Variants in RIN2 observed in about 807,000 individuals in gnomAD.
RIN2 encodes Ras and Rab interactor 2, also known as RAB5 interacting protein 2.
A neutral mutation model predicts 78.0 loss-of-function variants in RIN2; 36 were observed. The observed-to-expected ratio is 0.46, with a 90% CI of 0.35 to 0.61. The LOEUF (loss-of-function observed/expected upper bound fraction) is 0.61. RIN2 is among the 20% of genes least tolerant of loss of function. The probability of loss-of-function intolerance (pLI) is 0.00; values close to 1 mark genes in which losing one functional copy is unlikely to be tolerated. For synonymous variants in RIN2, 466 were observed against 466.8 expected (o/e 1.00, Z 0.02); for missense variants, 1,087 against 1,159.7 (o/e 0.94, Z 0.91).
intron 3 of RIN2, among the ~76,000 whole-genome samples, chr20:19,915,884 C>G (rs1568605276): frequency 6.6e-6 from 1 of 152,168 alleles, no homozygotes; most frequent in Non-Finnish European, 1.5e-5. Flanking sequence ...GATTCATCTC[C>G]CCTATCCAAT....
rs960347809 is a variant in RIN2, at chr20:20,000,481, G to A, written c.2365-132G>A. 14 of 690,888 alleles carry A rather than the reference G, an allele frequency of 2.0e-5. No homozygotes were observed. The South Asian group carries it at 2.9e-4, about 14-fold the overall frequency. The allele number at this position is 690,888 out of a possible 1,614,324, so 42.8% of individuals were successfully genotyped here. A position where few individuals can be genotyped will look rare whatever the true frequency, so the allele number is the denominator to read the frequency against. On this transcript the variant is annotated intron_variant, in intron 12 of 12. Transcript: ENST00000255006. Reference sequence around the variant, plus strand: ...CTTTCCTTGCCATTCGAAGCCTCGTGGCCTGACATCGGACATTATGACAGG... The same window carrying A: ...CTTTCCTTGCCATTCGAAGCCTCGTAGCCTGACATCGGACATTATGACAGG...
At chr20:19,779,084 G>A (rs183754428) in intron 1 of RIN2, among the ~76,000 whole-genome samples, 28 of 152,272 alleles carry the variant, frequency 1.8e-4, no homozygotes, top group South Asian at 6.2e-4. Context: ...TGGTAGTGAC[G>A]GGAGGATTTA....
chr20:19,847,271 G>A (rs1402778782), intron 2 of RIN2, among the ~76,000 whole-genome samples: 1 of 152,074 alleles, frequency 6.6e-6, no homozygotes, highest in African/African-American at 2.4e-5. Flanking sequence ...AAGTCCAAAG[G>A]GTTTTGATGC....
chr20:19,938,539 C>T (rs1488822242), intron 4 of RIN2, among the ~76,000 whole-genome samples: 3 of 152,072 alleles, frequency 2.0e-5, no homozygotes. Flanking sequence ...CACTCCTTTT[C>T]ACTCTTCACA....
rs546867595 is a variant in RIN2 at position 19,943,057 on chromosome 20, C to A, written c.158+7858C>A. 1.6e-3 allele frequency among the ~76,000 whole-genome samples: 240 copies of A among 152,362 alleles called. 2 individuals carry two copies. Among genetic ancestry groups the A allele is most frequent in the Non-Finnish European group, 1.2e-4 (8 of 68,040 alleles). On this transcript the variant is annotated intron_variant, in intron 4 of 12. Coordinates refer to ENST00000255006, the MANE Select transcript of RIN2 (RefSeq NM_018993.4). ...CCAATCCATGGAACACTTGCCTTTC[C>A]GTGAAGCAGGGTGCATGCCCCGGGC...
At position 19,927,740 on chromosome 20, in the gene RIN2, A is replaced by G. The variant is rs903482471; in HGVS notation, c.58-7359A>G. On this transcript the variant is annotated intron_variant, in intron 3 of 12. Transcript: ENST00000255006. ...AATTTTTTACTTTTTTGTAGAGCCA[A>G]GGTCTCTCTATGTTGCTTAGGCTGG... 3.3e-5 allele frequency among the ~76,000 whole-genome samples: 5 copies of G among 151,876 alleles called. No homozygotes were observed. The South Asian group carries it at 1.0e-3, about 32-fold the overall frequency.
chr20:19,879,790 T>A (rs913478170), intron 2 of RIN2, among the ~76,000 whole-genome samples: 1 of 151,144 alleles, frequency 6.6e-6, no homozygotes, highest in Non-Finnish European at 1.5e-5. Flanking sequence ...CTGAGAAACA[T>A]GATTGGCTAG....
chr20:19,802,472 A>T (rs1264790902), intron 2 of RIN2, among the ~76,000 whole-genome samples: 1 of 62,100 alleles, frequency 1.6e-5, no homozygotes. Context: ...AAGTTTCTTT[A>T]AAAAAAAAAA....
At chr20:19,807,562 A>G (rs903565683) in intron 2 of RIN2, among the ~76,000 whole-genome samples, 3 of 151,984 alleles carry the variant, frequency 2.0e-5, no homozygotes, top group Non-Finnish European at 4.4e-5. Context: ...CCTTAGAATT[A>G]TGAAGTGTTT....
intron 2 of RIN2, among the ~76,000 whole-genome samples, chr20:19,831,323 G>A (rs1424782769): frequency 6.6e-6 from 1 of 152,184 alleles, no homozygotes; most frequent in African/African-American, 2.4e-5. Flanking sequence ...ATGTATGTTA[G>A]AAGTATTTAG....
intron 5 of RIN2, among the ~76,000 whole-genome samples, chr20:19,959,878 C>T (rs2041681531): frequency 6.6e-6 from 1 of 152,164 alleles, no homozygotes; most frequent in Non-Finnish European, 1.5e-5. Flanking sequence ...GCACGGCCTA[C>T]ACAACAGTAC....
chr20:19,843,638 C>T (rs1342789911), intron 2 of RIN2, among the ~76,000 whole-genome samples: 1 of 152,194 alleles, frequency 6.6e-6, no homozygotes, highest in Non-Finnish European at 1.5e-5. Flanking sequence ...GCATGACTCC[C>T]TTTATTGCAA....
chr20:19,799,042 G>A (rs2035161769), intron 1 of RIN2, among the ~76,000 whole-genome samples: 1 of 152,006 alleles, frequency 6.6e-6, no homozygotes, highest in Non-Finnish European at 1.5e-5. Flanking sequence ...TGGGACCATA[G>A]GCGTGTGTCG....
rs73287515 is a variant in RIN2, at chr20:19,992,672, A to T, written c.2200+373A>T. On this transcript the variant is annotated intron_variant, in intron 11 of 12. Transcript: ENST00000255006. ...AAAGAAAAAATATAACCCCATCTTA[A>T]CTATACTTCACTAAGATTGCTTAAT... Among the ~76,000 whole-genome samples the T allele has an allele frequency of 5.0e-3, 764 of 152,326 alleles. 4 individuals are homozygous for T. The highest frequency in any genetic ancestry group is 0.016 in the African/African-American group (655 of 41,576).
chr20:19,773,582 G>T (rs1295851404), intron 1 of RIN2, among the ~76,000 whole-genome samples: 1 of 152,090 alleles, frequency 6.6e-6, no homozygotes, highest in Non-Finnish European at 1.5e-5. Context: ...TTAAAGAAAG[G>T]GCCAAGCGAG....
chr20:19,831,254 A>G (rs1441135197), intron 2 of RIN2, among the ~76,000 whole-genome samples: 1 of 152,226 alleles, frequency 6.6e-6, no homozygotes, highest in Non-Finnish European at 1.5e-5. Context: ...CTAAAAACGT[A>G]ACATAAATTT....
At chr20:19,935,472 C>A (rs1332931817) in intron 4 of RIN2, 1 of 1,205,776 alleles carries the variant, frequency 8.3e-7, no homozygotes, top group Non-Finnish European at 1.0e-6. Flanking sequence ...GTGCCATATC[C>A]ACCTACTCCC....
At chr20:19,933,648 G>T (rs1415338635) in intron 3 of RIN2, among the ~76,000 whole-genome samples, 1 of 152,112 alleles carries the variant, frequency 6.6e-6, no homozygotes, top group Non-Finnish European at 1.5e-5. Flanking sequence ...GTGAATAGAT[G>T]GGGTCACATT....
intron 1 of RIN2, among the ~76,000 whole-genome samples, chr20:19,771,861 G>GCCTCCTGCCT (rs531899502): frequency 6.6e-6 from 1 of 151,956 alleles, no homozygotes; most frequent in African/African-American, 2.4e-5. Context: ...CCCTTCTCAA[G>GCCTCCTGCCT]CCTCCTGCCT....
Sources: allele counts gnomAD v4.1 joint callset (sites outside exome capture counted in the v4.1 genomes callset), GRCh38; gene constraint gnomAD v4.1.1; transcripts MANE v1.5; gene names NCBI Gene and HGNC (gene_info 2026-07-23, HGNC 2026-07-21).